Variants in BNC2 observed in about 807,000 individuals in gnomAD.
The protein encoded by BNC2 is zinc finger protein basonuclin-2.
In BNC2, 20 loss-of-function variants were observed where a neutral mutation model predicts 76.3. That is an observed-to-expected ratio of 0.26 (90% CI 0.18 to 0.38). The LOEUF (loss-of-function observed/expected upper bound fraction) is 0.38, where lower values mean the gene tolerates loss of function less well. Among genes scored for constraint, BNC2 ranks in the 10% least tolerant of loss-of-function variants. The probability of loss-of-function intolerance (pLI) is 1.00; values close to 1 mark genes in which losing one functional copy is unlikely to be tolerated. For synonymous variants in BNC2, 582 were observed against 514.8 expected (o/e 1.13, Z -1.77); for missense variants, 1,382 against 1,399.8 (o/e 0.99, Z 0.20).
intron 3 of BNC2, among the ~76,000 whole-genome samples, chr9:16,714,021 C>T (rs533254919): frequency 1.3e-5 from 2 of 152,330 alleles, no homozygotes; most frequent in South Asian, 2.1e-4. Context: ...TGGATGCTGG[C>T]CATGAGCCCA....
chr9:16,730,678 A>G (rs1824479409), intron 2 of BNC2, among the ~76,000 whole-genome samples: 1 of 152,164 alleles, frequency 6.6e-6, no homozygotes, highest in South Asian at 2.1e-4. Context: ...GCTCCTTCAG[A>G]TATCATGGAC....
chr9:16,682,942 T>C (rs1462512435), intron 3 of BNC2, among the ~76,000 whole-genome samples: 2 of 152,224 alleles, frequency 1.3e-5, no homozygotes, highest in Non-Finnish European at 2.9e-5. Context: ...TCTTAGAAGA[T>C]GATTGCATAA....
chr9:16,844,244 T>C (rs1295855622), intron 1 of BNC2, among the ~76,000 whole-genome samples: 1 of 152,078 alleles, frequency 6.6e-6, no homozygotes. Flanking sequence ...TGATGGGTGT[T>C]TGCAAAAACG....
chr9:16,539,338 G>A (rs554797606), intron 5 of BNC2, among the ~76,000 whole-genome samples: 9 of 151,718 alleles, frequency 5.9e-5, no homozygotes, highest in Non-Finnish European at 7.4e-5. Flanking sequence ...TGGGCAATAC[G>A]ATAAAATCCC....
chr9:16,480,213 C>T (rs374034075), intron 5 of BNC2, among the ~76,000 whole-genome samples: 1 of 152,180 alleles, frequency 6.6e-6, no homozygotes, highest in Non-Finnish European at 1.5e-5. Context: ...CAAACTCTGG[C>T]AACCTAGCAC....
At chr9:16,474,176 T>C (rs1821883270) in intron 5 of BNC2, among the ~76,000 whole-genome samples, 1 of 152,212 alleles carries the variant, frequency 6.6e-6, no homozygotes, top group Non-Finnish European at 1.5e-5. Flanking sequence ...AAAAATTAAG[T>C]CACTTATCCT....
intron 3 of BNC2, among the ~76,000 whole-genome samples, chr9:16,583,827 G>A (rs1475239756): frequency 6.6e-6 from 1 of 152,154 alleles, no homozygotes; most frequent in East Asian, 1.9e-4. Context: ...ATCTGGAACA[G>A]TACACCTGTA....
intron 3 of BNC2, among the ~76,000 whole-genome samples, chr9:16,698,319 T>C (rs2134524614): frequency 2.5e-5 from 1 of 40,154 alleles, no homozygotes; most frequent in South Asian, 3.2e-4. Flanking sequence ...CACTACTGTT[T>C]ATTAAAAAAA....
chr9:16,430,070 C>G (rs973511237), intron 6 of BNC2: 1 of 464,162 alleles, frequency 2.2e-6, no homozygotes, highest in Admixed American at 2.3e-5. Flanking sequence ...TTGAGGAGGG[C>G]ACAACTAGCA....
At chr9:16,587,673 A>G (rs1283001324) in intron 3 of BNC2, among the ~76,000 whole-genome samples, 1 of 152,128 alleles carries the variant, frequency 6.6e-6, no homozygotes, top group African/African-American at 2.4e-5. Flanking sequence ...TCTGCCTACT[A>G]GAGTAGAAAC....
intron 1 of BNC2, among the ~76,000 whole-genome samples, chr9:16,826,850 G>C (rs961971315): frequency 6.6e-6 from 1 of 152,106 alleles, no homozygotes; most frequent in African/African-American, 2.4e-5. Context: ...TCGATGGATG[G>C]ATGAATACAC....
At chr9:16,800,356 A>G (rs1373050893) in intron 1 of BNC2, among the ~76,000 whole-genome samples, 2 of 152,142 alleles carry the variant, frequency 1.3e-5, no homozygotes, top group Non-Finnish European at 2.9e-5. Flanking sequence ...TACCATATAC[A>G]TGTCTTTTTG....
chr9:16,780,972 T>TA (rs1826136292), intron 1 of BNC2, among the ~76,000 whole-genome samples: 1 of 151,894 alleles, frequency 6.6e-6, no homozygotes, highest in African/African-American at 2.4e-5. Flanking sequence ...ATCATGCACT[T>TA]AAAGAAAATT....
intron 1 of BNC2, among the ~76,000 whole-genome samples, chr9:16,802,570 G>C (rs1293612610): frequency 6.6e-6 from 1 of 152,202 alleles, no homozygotes; most frequent in Non-Finnish European, 1.5e-5. Context: ...CAGGTCTTAT[G>C]TTTATACAAG....
At chr9:16,668,524 C>T (rs1479340635) in intron 3 of BNC2, among the ~76,000 whole-genome samples, 3 of 152,170 alleles carry the variant, frequency 2.0e-5, no homozygotes, top group Non-Finnish European at 4.4e-5. Context: ...TCAGGATGTA[C>T]TTTAAACAAT....
chr9:16,705,656 GT>G (rs34453723), intron 3 of BNC2, among the ~76,000 whole-genome samples: 3 of 150,690 alleles, frequency 2.0e-5, no homozygotes, highest in South Asian at 2.1e-4. Context: ...TGTGGCTTGG[GT>G]TTTTTTTTCC....
intron 5 of BNC2, among the ~76,000 whole-genome samples, chr9:16,550,235 A>C (rs1818616543): frequency 1.3e-5 from 2 of 151,874 alleles, no homozygotes. Flanking sequence ...AAATTTGTAA[A>C]CTTTCTTAAA....
intron 1 of BNC2, among the ~76,000 whole-genome samples, chr9:16,866,875 A>G (rs933833122): frequency 6.6e-6 from 1 of 152,238 alleles, no homozygotes; most frequent in South Asian, 2.1e-4. Flanking sequence ...AACAGGAAAG[A>G]TTTGAGGAGG....
At chr9:16,819,229 T>A (rs1219419392) in intron 1 of BNC2, among the ~76,000 whole-genome samples, 2 of 152,202 alleles carry the variant, frequency 1.3e-5, no homozygotes, top group Non-Finnish European at 2.9e-5. Context: ...TTTTATTAAT[T>A]CAGGTATAAG....
Sources: gnomAD v4.1 joint callset for allele counts (sites outside exome capture counted in the v4.1 genomes callset) on GRCh38, gnomAD v4.1.1 for gene constraint, MANE v1.5 for transcripts, NCBI Gene and HGNC (gene_info 2026-07-23, HGNC 2026-07-21) for gene names.